The following GNPTAB variants were observed in gnomAD, a reference collection of about 807,000 sequenced individuals.
GNPTAB encodes the protein N-acetylglucosamine-1-phosphotransferase subunits alpha/beta.
GNPTAB carries 92 observed loss-of-function variants against 136.6 expected under a neutral mutation model. The observed-to-expected ratio is 0.67, with a 90% CI of 0.57 to 0.80. The LOEUF is 0.80. Among genes scored for constraint, GNPTAB ranks in the 30% least tolerant of loss-of-function variants. GNPTAB has a pLI of 0.00. For synonymous variants in GNPTAB, 512 were observed against 535.1 expected (o/e 0.96, Z 0.60); for missense variants, 1,343 against 1,501.8 (o/e 0.89, Z 1.75).
intron 1 of GNPTAB, among the ~76,000 whole-genome samples, chr12:101,807,557 T>C (rs1869996834): frequency 6.6e-6 from 1 of 151,442 alleles, no homozygotes. Context: ...TGACTGTCTA[T>C]GTAGAAAATC....
chr12:101,816,897 TG>T (rs1488694010), intron 1 of GNPTAB, among the ~76,000 whole-genome samples: 2 of 152,220 alleles, frequency 1.3e-5, no homozygotes, highest in Non-Finnish European at 2.9e-5. Context: ...TTGCAGCGCA[TG>T]GATGGAACCA....
intron 5 of GNPTAB, among the ~76,000 whole-genome samples, chr12:101,781,030 AC>A (rs1375577659): frequency 6.6e-6 from 1 of 152,204 alleles, no homozygotes; most frequent in African/African-American, 2.4e-5. Context: ...GGGCCCTTGA[AC>A]ACCAGGCAGT....
At chr12:101,829,208 G>C (rs1191913780) in intron 1 of GNPTAB, among the ~76,000 whole-genome samples, 1 of 152,210 alleles carries the variant, frequency 6.6e-6, no homozygotes, top group Non-Finnish European at 1.5e-5. Context: ...ATTCGGGCCA[G>C]GTGCGGTGGC....
Position 101,764,793 on chromosome 12 carries a change from C to G in GNPTAB, c.2124G>C (p.Gln708His), listed in dbSNP as rs1953060451. 6.2e-7 allele frequency: 1 copy of G among 1,614,110 alleles called. No homozygotes were observed. The highest frequency in any genetic ancestry group is 1.7e-5 in the Admixed American group (1 of 60,016). The change falls in exon 13 of 21, where the codon CAG (glutamine) becomes CAC (histidine). Residue 708 changes from glutamine (Q) to histidine (H), a missense_variant. Gln to His is a conservative substitution (Grantham distance 24, BLOSUM62 0). Coordinates refer to ENST00000299314, the MANE Select transcript of GNPTAB (RefSeq NM_024312.5). ...GCAAATCCAAGGTATTGAGACTCAA[C>G]TGGGCGTCTTTTGGAAGGAGTGAAA... ...VNISLLPKDA[Q>H]LSLNTLDLQL...
chr12:101,786,440 T>C (rs536724499), intron 4 of GNPTAB, among the ~76,000 whole-genome samples: 1 of 152,330 alleles, frequency 6.6e-6, no homozygotes, highest in East Asian at 1.9e-4. Context: ...CAAACTCCCA[T>C]TAATAAGATC....
intron 2 of GNPTAB, among the ~76,000 whole-genome samples, chr12:101,790,678 T>C (rs1398925350): frequency 2.0e-5 from 3 of 149,938 alleles, no homozygotes; most frequent in African/African-American, 7.4e-5. Flanking sequence ...GAGGTGGGAC[T>C]ACAGTGAGCT....
At chr12:101,787,310 T>G (rs758091960) in intron 4 of GNPTAB, among the ~76,000 whole-genome samples, 1 of 152,162 alleles carries the variant, frequency 6.6e-6, no homozygotes, top group Non-Finnish European at 1.5e-5. Context: ...AACTGAAAGA[T>G]ATGAAGCATG....
intron 2 of GNPTAB, among the ~76,000 whole-genome samples, chr12:101,794,340 G>A (rs988333411): frequency 1.3e-5 from 2 of 151,816 alleles, no homozygotes; most frequent in Admixed American, 6.6e-5. Context: ...TTCATTCAGA[G>A]CAAACAACCT....
At chr12:101,808,794 C>A (rs1328284355) in intron 1 of GNPTAB, among the ~76,000 whole-genome samples, 2 of 151,848 alleles carry the variant, frequency 1.3e-5, no homozygotes, top group Admixed American at 6.6e-5. Flanking sequence ...ACTAAAAATA[C>A]AAAATTAGCT....
intron 11 of GNPTAB, among the ~76,000 whole-genome samples, chr12:101,766,697 T>C (rs764260700): frequency 6.6e-6 from 1 of 152,232 alleles, no homozygotes; most frequent in Non-Finnish European, 1.5e-5. Context: ...TCAAGGTTGA[T>C]GTGTAAGTTT....
At chr12:101,773,318 A>G in intron 7 of GNPTAB, 1 of 262,114 alleles carries the variant, frequency 3.8e-6, no homozygotes, top group Non-Finnish European at 7.7e-6. Context: ...CATGCTCTCC[A>G]CCTGCTCCCT....
intron 1 of GNPTAB, among the ~76,000 whole-genome samples, chr12:101,798,474 G>A (rs1480087319): frequency 6.6e-6 from 1 of 152,136 alleles, no homozygotes; most frequent in Non-Finnish European, 1.5e-5. Context: ...CCTTTAAGGA[G>A]ACATCATGGA....
At chr12:101,808,040 GCAT>G (rs1454533637) in intron 1 of GNPTAB, among the ~76,000 whole-genome samples, 30 of 152,288 alleles carry the variant, frequency 2.0e-4, no homozygotes, top group Admixed American at 1.0e-3. Flanking sequence ...AAATGCGTAG[GCAT>G]AACTCTAACA....
chr12:101,810,940 G>T (rs1870197583), intron 1 of GNPTAB, among the ~76,000 whole-genome samples: 1 of 152,154 alleles, frequency 6.6e-6, no homozygotes, highest in Non-Finnish European at 1.5e-5. Context: ...AAGAAAAGTT[G>T]AATGCCTTCA....
chr12:101,803,583 T>G (rs1869764028), intron 1 of GNPTAB, among the ~76,000 whole-genome samples: 1 of 152,150 alleles, frequency 6.6e-6, no homozygotes, highest in Non-Finnish European at 1.5e-5. Flanking sequence ...CTAATTAAAC[T>G]CAGACATTTT....
chr12:101,788,471 A>C lies in GNPTAB; in HGVS notation c.365+77T>G, dbSNP rs76819998. The C allele has an allele frequency of 2.9e-3, 2,631 of 897,962 alleles. 56 individuals are homozygous for C. In the African/African-American group the frequency reaches 0.037, roughly 13 times the overall value. The allele number at this position is 897,962 out of a possible 1,614,324, so 55.6% of individuals were successfully genotyped here. A position where few individuals can be genotyped will look rare whatever the true frequency, so the allele number is the denominator to read the frequency against. ...AATAAACACAAAATCCTGTGTACCC[A>C]ATAAAAACAAATGATAATCTGAAAT... On this transcript the variant is annotated intron_variant, in intron 4 of 20. Transcript: ENST00000299314.
intron 7 of GNPTAB, chr12:101,779,080 A>T (rs1384402976): frequency 6.6e-6 from 1 of 152,144 alleles, no homozygotes; most frequent in East Asian, 1.9e-4. Context: ...ATATAAAAAC[A>T]TGGTTAAGAC....
At chr12:101,816,788 G>A (rs927094834) in intron 1 of GNPTAB, among the ~76,000 whole-genome samples, 5 of 152,202 alleles carry the variant, frequency 3.3e-5, no homozygotes, top group Admixed American at 3.3e-4. Flanking sequence ...AGATTTGGAG[G>A]CAAGCTAAGT....
In GNPTAB at chr12:101,747,178, G is replaced by A; in HGVS notation, c.3757C>T (p.Arg1253Ter). 1 of 1,577,242 alleles carries A rather than the reference G, an allele frequency of 6.3e-7. No individual in the cohort carries two copies. Among genetic ancestry groups the A allele is most frequent in the Non-Finnish European group, 8.7e-7 (1 of 1,146,356 alleles). ...RRIHKEASPN[R>*]IRV ...ATGAAGATCTTCTATACTCTGATTC[G>A]ATTGGGACTAGCTTCTTTGTGTATC... Residue 1253 changes from arginine to a stop codon, truncating the protein, a stop_gained, in exon 21 of 21, where the codon CGA (arginine) becomes TGA (stop). Coordinates refer to ENST00000299314, the MANE Select transcript of GNPTAB (RefSeq NM_024312.5). LOFTEE classifies it high-confidence loss of function.
Sources: gnomAD v4.1 joint callset for allele counts (sites outside exome capture counted in the v4.1 genomes callset) on GRCh38, gnomAD v4.1.1 for gene constraint, MANE v1.5 for transcripts, NCBI Gene and HGNC (gene_info 2026-07-23, HGNC 2026-07-21) for gene names.